The following QTMAN variants were observed in gnomAD, a reference collection of about 807,000 sequenced individuals.
The protein encoded by QTMAN is tRNA-queuosine alpha-mannosyltransferase.
At chr2:144,042,855 A>G in the QTMAN span, among the ~76,000 whole-genome samples, 1 of 152,110 alleles carries the variant, frequency 6.6e-6, no homozygotes, top group Non-Finnish European at 1.5e-5. Flanking sequence ...TCATGACCAC[A>G]GGTACTAGGA....
At chr2:144,313,135 C>A in the QTMAN span, among the ~76,000 whole-genome samples, 1 of 152,100 alleles carries the variant, frequency 6.6e-6, no homozygotes, top group Non-Finnish European at 1.5e-5. Context: ...AAAAAAAGGT[C>A]CATTTGGGGA....
the QTMAN span, among the ~76,000 whole-genome samples, chr2:144,096,449 T>C: frequency 1.3e-5 from 2 of 152,238 alleles, no homozygotes; most frequent in African/African-American, 2.4e-5. Flanking sequence ...AGGAAGACAC[T>C]GTAGAACAAT....
At chr2:143,977,834 TAGA>T in the QTMAN span, among the ~76,000 whole-genome samples, 1 of 152,218 alleles carries the variant, frequency 6.6e-6, no homozygotes, top group African/African-American at 2.4e-5. Context: ...TTCTTTTTAA[TAGA>T]AGGAGAGGTG....
chr2:144,164,419 T>C, the QTMAN span, among the ~76,000 whole-genome samples: 3 of 152,178 alleles, frequency 2.0e-5, no homozygotes, highest in Admixed American at 6.5e-5. Flanking sequence ...TAAATTGTTT[T>C]GGCAATGAAA....
At chr2:144,031,820 G>A in the QTMAN span, among the ~76,000 whole-genome samples, 2 of 152,148 alleles carry the variant, frequency 1.3e-5, no homozygotes, top group African/African-American at 4.8e-5. Flanking sequence ...TCAGAGGTGC[G>A]ATCTTGGCTC....
At chr2:144,328,952 T>A in the QTMAN span, among the ~76,000 whole-genome samples, 1 of 152,072 alleles carries the variant, frequency 6.6e-6, no homozygotes. Flanking sequence ...AAAATTTTCC[T>A]CAGTTTTTTT....
chr2:144,318,664 G>C, the QTMAN span, among the ~76,000 whole-genome samples: 1 of 152,206 alleles, frequency 6.6e-6, no homozygotes, highest in Non-Finnish European at 1.5e-5. Flanking sequence ...ACATGCAGTG[G>C]TGGCAGTGGC....
the QTMAN span, among the ~76,000 whole-genome samples, chr2:144,158,330 T>C: frequency 6.6e-6 from 1 of 151,948 alleles, no homozygotes; most frequent in African/African-American, 2.4e-5. Context: ...CCAAAATGTG[T>C]CAAAGTACCC....
At chr2:144,042,867 G>T in the QTMAN span, among the ~76,000 whole-genome samples, 119 of 152,142 alleles carry the variant, frequency 7.8e-4, no homozygotes, top group African/African-American at 2.7e-3. Flanking sequence ...GTACTAGGAT[G>T]GTAAGTACTG....
the QTMAN span, among the ~76,000 whole-genome samples, chr2:144,031,296 A>G: frequency 2.0e-5 from 3 of 152,126 alleles, no homozygotes; most frequent in Non-Finnish European, 4.4e-5. Context: ...TAGTGACAGG[A>G]TACCCTTTGG....
the QTMAN span, among the ~76,000 whole-genome samples, chr2:144,175,465 G>A: frequency 1.1e-4 from 17 of 152,080 alleles, no homozygotes; most frequent in Admixed American, 3.9e-4. Context: ...AACAGATACA[G>A]AGAATGCTTC....
the QTMAN span, among the ~76,000 whole-genome samples, chr2:144,205,078 G>A: frequency 6.6e-6 from 1 of 151,884 alleles, no homozygotes; most frequent in African/African-American, 2.4e-5. Context: ...CACCAACATG[G>A]CACATGTATA....
At chr2:144,002,298 G>A in the QTMAN span, among the ~76,000 whole-genome samples, 4 of 151,906 alleles carry the variant, frequency 2.6e-5, no homozygotes, top group Non-Finnish European at 5.9e-5. Flanking sequence ...AAAAGTATTT[G>A]TATGCTTGTT....
At chr2:144,315,011 AAGT>A in the QTMAN span, among the ~76,000 whole-genome samples, 1 of 151,756 alleles carries the variant, frequency 6.6e-6, no homozygotes, top group South Asian at 2.1e-4. Flanking sequence ...TCAGCTTCCC[AAGT>A]AGCTGGAATT....
chr2:144,125,573 T>C, the QTMAN span, among the ~76,000 whole-genome samples: 1 of 152,088 alleles, frequency 6.6e-6, no homozygotes, highest in African/African-American at 2.4e-5. Context: ...CTGCACTGTA[T>C]AATTTGTAAC....
chr2:144,185,215 C>T, the QTMAN span, among the ~76,000 whole-genome samples: 2 of 152,108 alleles, frequency 1.3e-5, no homozygotes, highest in Admixed American at 1.3e-4. Context: ...TATTATTAGT[C>T]CCATTTTAAA....
chr2:143,974,709 G>T, the QTMAN span, among the ~76,000 whole-genome samples: 12 of 148,198 alleles, frequency 8.1e-5, no homozygotes, highest in African/African-American at 1.2e-4. Context: ...CTTTCTTTTT[G>T]TTTTTTTTTG....
chr2:144,137,245 T>C, the QTMAN span, among the ~76,000 whole-genome samples: 1 of 152,182 alleles, frequency 6.6e-6, no homozygotes, highest in Non-Finnish European at 1.5e-5. Context: ...CTGATTACCA[T>C]TTAATCTCTC....
chr2:144,109,615 C>A, the QTMAN span, among the ~76,000 whole-genome samples: 34 of 151,890 alleles, frequency 2.2e-4, no homozygotes, highest in Non-Finnish European at 4.3e-4. Flanking sequence ...AGGCAACCTA[C>A]AGAATGGGAG....
Sources: allele counts gnomAD v4.1 joint callset (sites outside exome capture counted in the v4.1 genomes callset), GRCh38; gene constraint gnomAD v4.1.1; transcripts MANE v1.5; gene names NCBI Gene and HGNC (gene_info 2026-07-23, HGNC 2026-07-21).